The following LMAN2 variants were observed in gnomAD, a reference collection of about 807,000 sequenced individuals.
The protein encoded by LMAN2 is vesicular integral-membrane protein VIP36.
In LMAN2, 22 loss-of-function variants were observed where a neutral mutation model predicts 39.3. The ratio of observed to expected loss-of-function variants is 0.56; its 90% confidence interval spans 0.40 to 0.80. The LOEUF is 0.80. LMAN2 is among the 30% of genes least tolerant of loss of function. LMAN2 has a pLI of 0.00. For synonymous variants in LMAN2, 207 were observed against 207.8 expected, an observed-to-expected ratio of 1.00 and a Z score of 0.03; for missense variants, 494 against 505.4, an observed-to-expected ratio of 0.98 and a Z score of 0.22.
intron 2 of LMAN2, among the ~76,000 whole-genome samples, chr5:177,340,260 T>G (rs1280727064): frequency 2.0e-5 from 3 of 152,198 alleles, no homozygotes; most frequent in African/African-American, 7.2e-5. Flanking sequence ...TATTTTTTTC[T>G]AATTTTTTTC....
intron 6 of LMAN2, among the ~76,000 whole-genome samples, chr5:177,335,979 C>A (rs540642838): frequency 6.6e-6 from 1 of 152,338 alleles, no homozygotes; most frequent in Admixed American, 6.5e-5. Context: ...AGGTTAGAGG[C>A]ACCCCAGTGC....
At position 177,351,582 on chromosome 5, in the gene LMAN2, A is replaced by C; in HGVS notation, c.66T>G (p.Leu22=). 2 of 1,613,658 alleles carry C rather than the reference A, an allele frequency of 1.2e-6. No homozygotes were observed. Among genetic ancestry groups the C allele is most frequent in the Non-Finnish European group, 1.7e-6 (2 of 1,179,916 alleles). ...WGRRCLGRPG[L]LGPGPGPTTP... Reference sequence around the variant, plus strand: ...TAGTGGGGCCAGGGCCGGGGCCGAGAAGCCCAGGCCTTCCCAGGCACCGCC... The same window carrying C: ...TAGTGGGGCCAGGGCCGGGGCCGAGCAGCCCAGGCCTTCCCAGGCACCGCC... Residue 22 remains leucine, a synonymous_variant, in exon 1 of 8, where the codon CTT becomes CTG. Transcript: ENST00000303127.
chr5:177,342,707 C>CA (rs769801427), intron 2 of LMAN2, among the ~76,000 whole-genome samples: 3 of 148,340 alleles, frequency 2.0e-5, no homozygotes, highest in African/African-American at 5.0e-5. Flanking sequence ...AACAAACCAA[C>CA]AAAAAAACCC....
chr5:177,339,472 G>A (rs1012848171), intron 2 of LMAN2, among the ~76,000 whole-genome samples: 9 of 152,228 alleles, frequency 5.9e-5, no homozygotes, highest in African/African-American at 1.4e-4. Context: ...GATGGGCACC[G>A]CCTACGCCAA....
intron 2 of LMAN2, 118 bp from the exon 3 acceptor site, chr5:177,338,723 G>A: frequency 1.3e-6 from 1 of 781,106 alleles, no homozygotes. Flanking sequence ...CTAAGACTGG[G>A]CACTCCTTGG....
chr5:177,335,628 C>T (rs908459117), intron 6 of LMAN2, among the ~76,000 whole-genome samples: 3 of 152,038 alleles, frequency 2.0e-5, no homozygotes, highest in Non-Finnish European at 4.4e-5. Flanking sequence ...CAGCCAGGCG[C>T]GAGCTGGAAA....
Position 177,337,242 on chromosome 5 carries a change from G to A in LMAN2, c.684C>T (p.Thr228=), listed in dbSNP as rs774242059. The change falls in exon 6 of 8, where the codon ACC becomes ACT. Residue 228 remains threonine, a synonymous_variant. Coordinates refer to ENST00000303127, the MANE Select transcript of LMAN2 (RefSeq NM_006816.3). This position sits in a 1 kb window ranked among gnomAD's most constrained non-coding sequence, Gnocchi z 8.2. ...RYSRGRLTVM[T]DLEDKNEWKN... ...TCCACTCGTTCTTGTCCTCCAGGTC[G>A]GTCATCACCTGCAGGGCCCAGCACG... 1.5e-5 allele frequency: 24 copies of A among 1,613,766 alleles called. No homozygotes were observed. The African/African-American group carries it at 1.7e-4, about 12-fold the overall frequency.
At chr5:177,349,150 T>C (rs1379289267) in intron 2 of LMAN2, among the ~76,000 whole-genome samples, 2 of 152,072 alleles carry the variant, frequency 1.3e-5, no homozygotes, top group African/African-American at 2.4e-5. Flanking sequence ...CCAGGTCCTA[T>C]GCTGCAGCCA....
At chr5:177,339,135 CA>C (rs1301720533) in intron 2 of LMAN2, among the ~76,000 whole-genome samples, 1 of 152,216 alleles carries the variant, frequency 6.6e-6, no homozygotes, top group African/African-American at 2.4e-5. Flanking sequence ...TCTGGATTCA[CA>C]TGCAGGGTTT....
chr5:177,342,245 C>A (rs1287403750), intron 2 of LMAN2, among the ~76,000 whole-genome samples: 1 of 152,146 alleles, frequency 6.6e-6, no homozygotes, highest in East Asian at 1.9e-4. Flanking sequence ...GTAGCTCATA[C>A]CTGTAGTCCC....
chr5:177,349,087 C>T (rs954894362), intron 2 of LMAN2, among the ~76,000 whole-genome samples: 12 of 152,166 alleles, frequency 7.9e-5, no homozygotes, highest in South Asian at 2.1e-4. Flanking sequence ...TTAAAGACCA[C>T]TGCCGCAGCC....
chr5:177,345,734 TGC>T (rs879350662), intron 2 of LMAN2, among the ~76,000 whole-genome samples: 17,282 of 120,768 alleles, frequency 0.14, 1,367 homozygotes, highest in Middle Eastern at 0.25. Context: ...AGCCATGGCA[TGC>T]ATTTATTTAT....
Position 177,351,392 on chromosome 5 carries a change from C to T in LMAN2, c.196+60G>A. On this transcript the variant is annotated intron_variant, in intron 1 of 7. Coordinates refer to ENST00000303127, the MANE Select transcript of LMAN2 (RefSeq NM_006816.3). ...CTGCTCAGGAGAAAGGGCACGCCTT[C>T]CCCTAGCCCTGTTCAGCCTCGCCCT... is the stretch of plus-strand genomic sequence containing the variant. 2.5e-6 allele frequency: 4 copies of T among 1,603,418 alleles called. No homozygotes were observed. The South Asian group carries it at 4.4e-5, about 18-fold the overall frequency.
intron 2 of LMAN2, chr5:177,346,362 G>GTCCTT (rs1761638008): frequency 1.4e-6 from 1 of 697,618 alleles, no homozygotes; most frequent in Non-Finnish European, 2.0e-6. Flanking sequence ...CTGAGATTAA[G>GTCCTT]CAGATTACTT....
intron 6 of LMAN2, 96 bp from the exon 7 acceptor site, chr5:177,334,499 G>T: frequency 6.7e-7 from 1 of 1,501,664 alleles, no homozygotes; most frequent in Non-Finnish European, 8.9e-7. Flanking sequence ...GCTGCAGCCA[G>T]TAAACCTGCC....
chr5:177,333,032 C>T (rs1761413974), intron 7 of LMAN2, among the ~76,000 whole-genome samples: 1 of 152,212 alleles, frequency 6.6e-6, no homozygotes, highest in Non-Finnish European at 1.5e-5. Context: ...CAGCCACAAG[C>T]CAACCTCCAT....
chr5:177,346,806 C>A (rs769431607), intron 2 of LMAN2, among the ~76,000 whole-genome samples: 1 of 151,996 alleles, frequency 6.6e-6, no homozygotes, highest in Non-Finnish European at 1.5e-5. Flanking sequence ...CCCAGCCATA[C>A]ACAGAAATTT....
chr5:177,351,173 C>T lies in LMAN2; in HGVS notation c.315G>A (p.Gln105=). The change falls in exon 2 of 8, where the codon CAG becomes CAA. Residue 105 remains glutamine, a splice_region_variant and synonymous_variant. Transcript: ENST00000303127. ...RSKEGSIWNH[Q]PCFLKDWEMH... ...GCCTATCCTCTTGAGAACCACTCAC[C>T]TGGTGGTTCCAGATAGAGCCCTCTT... The T allele has an allele frequency of 6.2e-7, 1 of 1,612,896 alleles. No homozygotes were observed. The highest frequency in any genetic ancestry group is 8.5e-7 in the Non-Finnish European group (1 of 1,178,866).
At chr5:177,345,365 C>T (rs1172827886) in intron 2 of LMAN2, among the ~76,000 whole-genome samples, 3 of 131,024 alleles carry the variant, frequency 2.3e-5, no homozygotes, top group East Asian at 2.0e-4. Flanking sequence ...AAAAAAAAGC[C>T]ACTCTTTCAA....
Sources: allele counts gnomAD v4.1 joint callset (sites outside exome capture counted in the v4.1 genomes callset), GRCh38; gene constraint gnomAD v4.1.1; non-coding constraint Gnocchi (gnomAD v3.1); transcripts MANE v1.5; gene names NCBI Gene and HGNC (gene_info 2026-07-23, HGNC 2026-07-21).